Variants in BRINP3 observed in about 807,000 individuals in gnomAD.
The protein encoded by BRINP3 is BMP/retinoic acid inducible neural specific 3.
In BRINP3, 19 loss-of-function variants were observed where a neutral mutation model predicts 71.0. That is an observed-to-expected ratio of 0.27 (90% CI 0.19 to 0.39). The LOEUF (loss-of-function observed/expected upper bound fraction) is 0.39, where lower values mean the gene tolerates loss of function less well. Ranked by LOEUF, BRINP3 falls within the 10% of genes least tolerant of loss-of-function variation. BRINP3 has a pLI of 1.00. For missense variants in BRINP3, 959 were observed against 940.8 expected (o/e 1.02, Z -0.25); for synonymous variants, 380 against 337.7 (o/e 1.13, Z -1.37).
chr1:190,432,101 G>T (rs1572030969), intron 2 of BRINP3, among the ~76,000 whole-genome samples: 1 of 151,900 alleles, frequency 6.6e-6, no homozygotes, highest in East Asian at 1.9e-4. Flanking sequence ...AAACAAAACT[G>T]CAAAAAACAA....
chr1:190,356,642 G>A (rs1668751328), intron 2 of BRINP3, among the ~76,000 whole-genome samples: 1 of 151,662 alleles, frequency 6.6e-6, no homozygotes, highest in African/African-American at 2.4e-5. Flanking sequence ...TTCATATTTT[G>A]ATGAGAATGA....
chr1:190,111,576 A>T (rs983846286), intron 7 of BRINP3, among the ~76,000 whole-genome samples: 8 of 152,150 alleles, frequency 5.3e-5, no homozygotes, highest in African/African-American at 1.7e-4. Context: ...TAGCTATGTT[A>T]CGCAGTTCTG....
intron 5 of BRINP3, among the ~76,000 whole-genome samples, chr1:190,233,679 A>G (rs1258256197): frequency 6.6e-6 from 1 of 152,206 alleles, no homozygotes; most frequent in East Asian, 1.9e-4. Context: ...GTGTCATCAC[A>G]AAGACTTCTC....
chr1:190,352,362 C>T (rs927329102), intron 2 of BRINP3, among the ~76,000 whole-genome samples: 3 of 151,832 alleles, frequency 2.0e-5, no homozygotes, highest in Non-Finnish European at 2.9e-5. Context: ...GTTTCAAATG[C>T]GAAGGGTAAA....
At chr1:190,243,175 G>T (rs1369494301) in intron 4 of BRINP3, among the ~76,000 whole-genome samples, 1 of 152,030 alleles carries the variant, frequency 6.6e-6, no homozygotes, top group Non-Finnish European at 1.5e-5. Context: ...AGTGTGATAT[G>T]GAATAAGCAA....
chr1:190,297,311 G>T (rs1664325043), intron 2 of BRINP3, among the ~76,000 whole-genome samples: 1 of 151,638 alleles, frequency 6.6e-6, no homozygotes. Flanking sequence ...GAGAAAACTG[G>T]ATATTCATAA....
chr1:190,363,642 G>C (rs1053812299), intron 2 of BRINP3, among the ~76,000 whole-genome samples: 1 of 152,128 alleles, frequency 6.6e-6, no homozygotes, highest in Non-Finnish European at 1.5e-5. Context: ...CTGCATTTTA[G>C]AGGACAAATA....
intron 2 of BRINP3, among the ~76,000 whole-genome samples, chr1:190,328,646 G>A (rs1297611635): frequency 1.4e-5 from 2 of 148,114 alleles, no homozygotes; most frequent in Non-Finnish European, 3.0e-5. Context: ...AAATATCAAA[G>A]ATGGGTGATT....
At chr1:190,289,015 C>T (rs1663650681) in intron 2 of BRINP3, among the ~76,000 whole-genome samples, 1 of 151,744 alleles carries the variant, frequency 6.6e-6, no homozygotes, top group Non-Finnish European at 1.5e-5. Context: ...TTAAATTAAA[C>T]ATTGGATTTT....
chr1:190,470,652 T>C (rs1218145940), intron 1 of BRINP3, among the ~76,000 whole-genome samples: 1 of 151,096 alleles, frequency 6.6e-6, no homozygotes, highest in Non-Finnish European at 1.5e-5. Flanking sequence ...AACAATGAAA[T>C]AGAAGAATGA....
intron 2 of BRINP3, among the ~76,000 whole-genome samples, chr1:190,289,980 C>T (rs1364437366): frequency 6.6e-6 from 1 of 151,970 alleles, no homozygotes; most frequent in African/African-American, 2.4e-5. Flanking sequence ...ATAGTAGTCA[C>T]TCATTAAATA....
chr1:190,369,663 T>C (rs1206301002), intron 2 of BRINP3, among the ~76,000 whole-genome samples: 1 of 147,798 alleles, frequency 6.8e-6, no homozygotes, highest in African/African-American at 2.5e-5. Flanking sequence ...TAAAAAAAAG[T>C]ATGTTCTTGT....
intron 7 of BRINP3, among the ~76,000 whole-genome samples, chr1:190,148,406 A>T (rs918657913): frequency 6.6e-6 from 1 of 151,848 alleles, no homozygotes; most frequent in Non-Finnish European, 1.5e-5. Flanking sequence ...ATCCTGACTA[A>T]CACGGAGAAA....
In BRINP3 at chr1:190,283,688, G is replaced by A. The variant is rs191657507; in HGVS notation, c.237-1938C>T. Among the ~76,000 whole-genome samples, 89 of 149,176 alleles carry A rather than the reference G, an allele frequency of 6.0e-4. 2 individuals are homozygous for A. The East Asian group carries it at 0.013, about 22-fold the overall frequency. Reference sequence around the variant, plus strand: ...ATATATAAATAAAAATTTAAACATTGACAAAAGATCATTTGAAATCAAATA... The same window carrying A: ...ATATATAAATAAAAATTTAAACATTAACAAAAGATCATTTGAAATCAAATA... On this transcript the variant is annotated intron_variant, in intron 2 of 7. Transcript: ENST00000367462.
intron 2 of BRINP3, among the ~76,000 whole-genome samples, chr1:190,287,131 G>A (rs1251555069): frequency 6.6e-6 from 1 of 152,206 alleles, no homozygotes; most frequent in East Asian, 1.9e-4. Context: ...GGAGGCTGAG[G>A]CAGGAGGATC....
chr1:190,449,573 A>G (rs1380588502), intron 2 of BRINP3, among the ~76,000 whole-genome samples: 1 of 151,890 alleles, frequency 6.6e-6, no homozygotes, highest in Non-Finnish European at 1.5e-5. Flanking sequence ...GTATATATAT[A>G]TATGTACATA....
chr1:190,284,264 A>G (rs1663255229), intron 2 of BRINP3, among the ~76,000 whole-genome samples: 1 of 152,040 alleles, frequency 6.6e-6, no homozygotes, highest in South Asian at 2.1e-4. Flanking sequence ...AAAACAAATT[A>G]TGTATCTTAT....
In BRINP3 at chr1:190,337,105, G is replaced by A. The variant is rs572569215; in HGVS notation, c.237-55355C>T. Among the ~76,000 whole-genome samples, 3 of 152,056 alleles carry A rather than the reference G, an allele frequency of 2.0e-5. No individual in the cohort carries two copies. In the East Asian group the frequency reaches 5.9e-4, roughly 30 times the overall value. Reference sequence around the variant, plus strand: ...AGTCAACATGAACCATATGTTTGATGTTGAAGTTATGTTTAACACTCAAGT... The same window carrying A: ...AGTCAACATGAACCATATGTTTGATATTGAAGTTATGTTTAACACTCAAGT... On this transcript the variant is annotated intron_variant, in intron 2 of 7. Coordinates refer to ENST00000367462, the MANE Select transcript of BRINP3 (RefSeq NM_199051.3).
chr1:190,395,034 TTAAAG>T (rs1671481623), intron 2 of BRINP3, among the ~76,000 whole-genome samples: 1 of 151,710 alleles, frequency 6.6e-6, no homozygotes, highest in Non-Finnish European at 1.5e-5. Flanking sequence ...GTTTATAAAA[TTAAAG>T]TAGATTGTGA....
Sources: allele counts gnomAD v4.1 joint callset (sites outside exome capture counted in the v4.1 genomes callset), GRCh38; gene constraint gnomAD v4.1.1; transcripts MANE v1.5; gene names NCBI Gene and HGNC (gene_info 2026-07-23, HGNC 2026-07-21).